Variants in RNF220 observed in about 807,000 individuals in gnomAD.
The protein encoded by RNF220 is ring finger protein 220.
A neutral mutation model predicts 67.1 loss-of-function variants in RNF220; 7 were observed. That is an observed-to-expected ratio of 0.10 (90% CI 0.06 to 0.20). The LOEUF (loss-of-function observed/expected upper bound fraction) is 0.20. Ranked by LOEUF, RNF220 falls within the 10% of genes least tolerant of loss-of-function variation. The pLI, the probability that RNF220 is intolerant of heterozygous loss-of-function variation, is 1.00. For missense variants in RNF220, 565 were observed against 740.3 expected (o/e 0.76, Z 2.75); for synonymous variants, 270 against 283.2 (o/e 0.95, Z 0.47).
Position 44,562,231 on chromosome 1 carries a change from A to T in RNF220, c.626-51934A>T, listed in dbSNP as rs144093979. ...TGAACGTAGTTTGGCACCCTGCTAG[A>T]TATAGGAAACCAACCAGAAGGTGTC... On this transcript the variant is annotated intron_variant, in intron 2 of 14. Coordinates refer to ENST00000361799, the MANE Select transcript of RNF220 (RefSeq NM_018150.4). 3.9e-5 allele frequency among the ~76,000 whole-genome samples: 6 copies of T among 152,290 alleles called. No individual in the cohort carries two copies. In the East Asian group the frequency reaches 1.2e-3, roughly 30 times the overall value.
chr1:44,420,209 C>T (rs950842305), intron 2 of RNF220, among the ~76,000 whole-genome samples: 1 of 152,232 alleles, frequency 6.6e-6, no homozygotes, highest in Non-Finnish European at 1.5e-5. Context: ...CCAGTACATT[C>T]TGTTAACAGA....
chr1:44,526,675 T>C (rs1660403130), intron 2 of RNF220, among the ~76,000 whole-genome samples: 1 of 152,158 alleles, frequency 6.6e-6, no homozygotes, highest in Non-Finnish European at 1.5e-5. Context: ...CTCTCTGCCT[T>C]CACACACCCT....
chr1:44,518,593 T>C lies in RNF220; in HGVS notation c.626-95572T>C, dbSNP rs114707413. On this transcript the variant is annotated intron_variant, in intron 2 of 14. Transcript: ENST00000361799. ...GACAGAAAGCCTTTAAAAACAATCC[T>C]GGGCCGGGCGCGGTGGCTCACACCT... 5.4e-3 allele frequency among the ~76,000 whole-genome samples: 823 copies of C among 152,024 alleles called. 5 individuals carry two copies. The highest frequency in any genetic ancestry group is 0.019 in the African/African-American group (785 of 41,464).
chr1:44,484,511 G>A (rs1042338700), intron 2 of RNF220, among the ~76,000 whole-genome samples: 1 of 152,160 alleles, frequency 6.6e-6, no homozygotes, highest in African/African-American at 2.4e-5. Context: ...GGATCCCCCT[G>A]TGGCCGTGTC....
intron 2 of RNF220, among the ~76,000 whole-genome samples, chr1:44,603,479 A>G (rs911437833): frequency 5.9e-5 from 9 of 152,346 alleles, no homozygotes; most frequent in South Asian, 2.1e-4. Context: ...CCCAGACCCA[A>G]GCAGGATTCA....
intron 2 of RNF220, among the ~76,000 whole-genome samples, chr1:44,552,760 G>T (rs988089419): frequency 3.3e-5 from 5 of 151,638 alleles, no homozygotes; most frequent in Non-Finnish European, 5.9e-5. Context: ...TAGTGGAGAC[G>T]GGGTTTCACC....
chr1:44,473,140 C>G (rs977701710), intron 2 of RNF220, among the ~76,000 whole-genome samples: 3 of 152,050 alleles, frequency 2.0e-5, no homozygotes, highest in African/African-American at 4.8e-5. Context: ...TCTGGAGGCC[C>G]CTTCCTTCTC....
At chr1:44,527,089 A>G (rs1317496839) in intron 2 of RNF220, among the ~76,000 whole-genome samples, 5 of 151,866 alleles carry the variant, frequency 3.3e-5, no homozygotes, top group African/African-American at 1.2e-4. Flanking sequence ...TTCACCTGCC[A>G]CCTAAACACT....
intron 2 of RNF220, among the ~76,000 whole-genome samples, chr1:44,448,836 G>A (rs1009382397): frequency 3.3e-5 from 5 of 152,138 alleles, no homozygotes; most frequent in Non-Finnish European, 7.4e-5. Context: ...GTGTCCAAAT[G>A]GGTTTCAAGT....
chr1:44,500,087 C>T (rs1657696992), intron 2 of RNF220, among the ~76,000 whole-genome samples: 1 of 152,212 alleles, frequency 6.6e-6, no homozygotes, highest in African/African-American at 2.4e-5. Flanking sequence ...CTGCTTCTAC[C>T]CTTGTTCCGG....
chr1:44,508,186 G>C (rs1283184765), intron 2 of RNF220, among the ~76,000 whole-genome samples: 1 of 151,804 alleles, frequency 6.6e-6, no homozygotes, highest in South Asian at 2.1e-4. Context: ...GGTTGGGCGG[G>C]GGTGGGGAGC....
At chr1:44,573,130 ATAATGGC>A (rs2148324089) in intron 2 of RNF220, 1 of 157,984 alleles carries the variant, frequency 6.3e-6, no homozygotes, top group Non-Finnish European at 1.4e-5. Flanking sequence ...TATAAGAGTA[ATAATGGC>A]TATTATTAAT....
intron 2 of RNF220, among the ~76,000 whole-genome samples, chr1:44,539,364 GC>G (rs1299489102): frequency 5.3e-5 from 8 of 152,066 alleles, no homozygotes; most frequent in African/African-American, 1.9e-4. Context: ...GCCCCCAAAT[GC>G]CCGAGCTTTC....
intron 2 of RNF220, among the ~76,000 whole-genome samples, chr1:44,443,158 C>T (rs535814576): frequency 2.4e-4 from 37 of 152,300 alleles, no homozygotes; most frequent in African/African-American, 7.9e-4. Flanking sequence ...TCTTGGATGT[C>T]GTGTGGGCAC....
At chr1:44,518,111 A>C (rs1321396148) in intron 2 of RNF220, among the ~76,000 whole-genome samples, 2 of 151,384 alleles carry the variant, frequency 1.3e-5, no homozygotes, top group Non-Finnish European at 2.9e-5. Context: ...TCTAAAAATA[A>C]AATAAAATAA....
At chr1:44,551,563 C>G (rs1266802894) in intron 2 of RNF220, among the ~76,000 whole-genome samples, 1 of 152,172 alleles carries the variant, frequency 6.6e-6, no homozygotes, top group Non-Finnish European at 1.5e-5. Context: ...TGATAGACTG[C>G]TTTCTAGAAA....
At chr1:44,438,508 C>A (rs980512728) in intron 2 of RNF220, among the ~76,000 whole-genome samples, 1 of 152,158 alleles carries the variant, frequency 6.6e-6, no homozygotes. Context: ...TTCATTAATT[C>A]GAGTACTTAT....
rs1336090069 is a variant in RNF220, at chr1:44,606,756, A to G, written c.626-7409A>G. ...TGCCTACTCTGAACTTCATTCATTT[A>G]TTTATTCAATAAATATTTATTGAGC... On this transcript the variant is annotated intron_variant, in intron 2 of 14. Coordinates refer to ENST00000361799, the MANE Select transcript of RNF220 (RefSeq NM_018150.4). This position sits in a 1 kb window ranked among gnomAD's most constrained non-coding sequence, Gnocchi z 4.2. 6.6e-6 allele frequency among the ~76,000 whole-genome samples: 1 copy of G among 152,120 alleles called. No individual in the cohort carries two copies. The highest frequency in any genetic ancestry group is 1.5e-5 in the Non-Finnish European group (1 of 68,022).
intron 2 of RNF220, among the ~76,000 whole-genome samples, chr1:44,456,565 C>G (rs1340537371): frequency 6.6e-6 from 1 of 152,124 alleles, no homozygotes; most frequent in East Asian, 1.9e-4. Context: ...CAAAACAGAC[C>G]AAGTCCCTGT....
Sources: allele counts gnomAD v4.1 joint callset (sites outside exome capture counted in the v4.1 genomes callset), GRCh38; gene constraint gnomAD v4.1.1; non-coding constraint Gnocchi (gnomAD v3.1); transcripts MANE v1.5; gene names NCBI Gene and HGNC (gene_info 2026-07-23, HGNC 2026-07-21).